The following SNTG2 variants were observed in gnomAD, a reference collection of about 807,000 sequenced individuals.
The protein encoded by SNTG2 is syntrophin gamma 2, also known as gamma-2-syntrophin.
A neutral mutation model predicts 70.9 loss-of-function variants in SNTG2; 74 were observed. That is an observed-to-expected ratio of 1.04 (90% CI 0.86 to 1.27). The LOEUF is 1.27. SNTG2 is among the 50% of genes most tolerant of loss of function. The pLI is 0.00. For synonymous variants in SNTG2, 278 were observed against 273.8 expected (o/e 1.02, Z -0.15); for missense variants, 717 against 690.7 (o/e 1.04, Z -0.43).
intron 6 of SNTG2, among the ~76,000 whole-genome samples, chr2:1,150,172 G>A (rs1234374260): frequency 6.6e-6 from 1 of 152,206 alleles, no homozygotes; most frequent in Admixed American, 6.5e-5. Flanking sequence ...GGGATCTTGG[G>A]AAAGGGAATC....
At chr2:1,100,462 G>A (rs940374377) in intron 4 of SNTG2, among the ~76,000 whole-genome samples, 2 of 152,136 alleles carry the variant, frequency 1.3e-5, no homozygotes, top group Non-Finnish European at 2.9e-5. Flanking sequence ...GAGGTTTTTC[G>A]AGCATTTCAA....
intron 8 of SNTG2, among the ~76,000 whole-genome samples, chr2:1,195,012 A>G (rs1432928049): frequency 2.0e-5 from 3 of 152,120 alleles, no homozygotes; most frequent in Non-Finnish European, 2.9e-5. Context: ...TTTGTGGAGG[A>G]TGATGGTTTC....
intron 6 of SNTG2, chr2:1,160,962 T>A (rs965104467): frequency 5.3e-5 from 8 of 152,180 alleles, no homozygotes; most frequent in African/African-American, 1.9e-4. Context: ...ATTTTACAGG[T>A]GTTGGGAGAT....
intron 4 of SNTG2, among the ~76,000 whole-genome samples, chr2:1,118,614 TA>T (rs1667186903): frequency 6.6e-6 from 1 of 150,768 alleles, no homozygotes; most frequent in Admixed American, 6.6e-5. Flanking sequence ...AATGAAATCA[TA>T]AAAAAATTCA....
chr2:959,523 G>T (rs1477979344), intron 1 of SNTG2, among the ~76,000 whole-genome samples: 1 of 151,996 alleles, frequency 6.6e-6, no homozygotes, highest in Non-Finnish European at 1.5e-5. Context: ...GAGGTCCAGG[G>T]TTCAGCTGTG....
At chr2:1,242,319 T>C (rs1677104916) in intron 11 of SNTG2, among the ~76,000 whole-genome samples, 1 of 152,142 alleles carries the variant, frequency 6.6e-6, no homozygotes. Context: ...ATGTGAAAAA[T>C]GCGAATTTTA....
chr2:1,360,944 T>C (rs2148318832), intron 16 of SNTG2, among the ~76,000 whole-genome samples: 1 of 152,312 alleles, frequency 6.6e-6, no homozygotes, highest in African/African-American at 2.4e-5. Flanking sequence ...CTTTTGGAGA[T>C]CCCACCCACA....
chr2:1,083,435 G>C, intron 1 of SNTG2, 83 bp from the exon 2 acceptor site: 1 of 1,464,068 alleles, frequency 6.8e-7, no homozygotes, highest in Non-Finnish European at 9.5e-7. Context: ...GGATTGTCTT[G>C]AGCAGGAGGC....
At chr2:1,258,280 T>C (rs1678234030) in intron 12 of SNTG2, among the ~76,000 whole-genome samples, 1 of 152,186 alleles carries the variant, frequency 6.6e-6, no homozygotes, top group Middle Eastern at 3.2e-3. Context: ...AATAAGCACC[T>C]GAAACTCCCT....
intron 11 of SNTG2, 52 bp from the exon 12 acceptor site, chr2:1,247,275 G>A (rs1021954397): frequency 3.7e-5 from 42 of 1,127,096 alleles, no homozygotes; most frequent in Admixed American, 8.9e-5. Context: ...CTCTGCTGCT[G>A]TGACAGTATG....
At chr2:1,221,332 T>TCTGGCTCTGC (rs1674773614) in intron 9 of SNTG2, among the ~76,000 whole-genome samples, 1 of 42,322 alleles carries the variant, frequency 2.4e-5, no homozygotes, top group African/African-American at 4.7e-5. Flanking sequence ...TGTCTCTGTC[T>TCTGGCTCTGC]CTCTGTTGCT....
intron 6 of SNTG2, among the ~76,000 whole-genome samples, chr2:1,157,341 T>G (rs1389675841): frequency 5.9e-5 from 9 of 151,952 alleles, no homozygotes; most frequent in Admixed American, 5.9e-4. Context: ...CACTGCGGCT[T>G]GTGCGCTGAA....
intron 11 of SNTG2, among the ~76,000 whole-genome samples, chr2:1,243,897 G>A (rs534727904): frequency 2.6e-5 from 4 of 152,304 alleles, no homozygotes; most frequent in South Asian, 2.1e-4. Context: ...GTGGTGGCAC[G>A]CGCCTGTAAT....
intron 11 of SNTG2, among the ~76,000 whole-genome samples, chr2:1,240,948 G>A (rs1677008369): frequency 1.3e-5 from 2 of 152,066 alleles, no homozygotes; most frequent in Non-Finnish European, 2.9e-5. Flanking sequence ...CCTACTATGT[G>A]TTTTTGAAAC....
intron 7 of SNTG2, among the ~76,000 whole-genome samples, chr2:1,171,155 AT>A (rs1671100747): frequency 6.6e-6 from 1 of 152,252 alleles, no homozygotes; most frequent in Non-Finnish European, 1.5e-5. Flanking sequence ...GTTTTAAAAA[AT>A]AATGGACTTT....
chr2:1,267,175 A>T (rs966905070), intron 13 of SNTG2, among the ~76,000 whole-genome samples, 190 bp from the exon 14 acceptor site: 3 of 152,182 alleles, frequency 2.0e-5, no homozygotes, highest in African/African-American at 7.2e-5. Context: ...ATTTACAGAT[A>T]TTTGTCTGTG....
chr2:1,256,314 A>G (rs1034318588), intron 12 of SNTG2: 5 of 152,144 alleles, frequency 3.3e-5, no homozygotes, highest in African/African-American at 1.2e-4. Flanking sequence ...ACACACACGC[A>G]CACACATTTG....
At chr2:951,626 G>C (rs370122208) in intron 1 of SNTG2, among the ~76,000 whole-genome samples, 11 of 152,324 alleles carry the variant, frequency 7.2e-5, no homozygotes, top group African/African-American at 2.6e-4. Context: ...GTCTATTCTG[G>C]TTCCCACCCT....
At chr2:1,362,777 G>A (rs1254750109) in intron 16 of SNTG2, among the ~76,000 whole-genome samples, 6 of 151,022 alleles carry the variant, frequency 4.0e-5, no homozygotes, top group African/African-American at 9.7e-5. Flanking sequence ...GGTCACCGAC[G>A]CTGAGCATTT....
Sources: gnomAD v4.1 joint callset for allele counts (sites outside exome capture counted in the v4.1 genomes callset) on GRCh38, gnomAD v4.1.1 for gene constraint, MANE v1.5 for transcripts, NCBI Gene and HGNC (gene_info 2026-07-23, HGNC 2026-07-21) for gene names.